Variants in KLHL26 observed in about 807,000 individuals in gnomAD.
KLHL26 encodes kelch like family member 26, also known as kelch-like protein 26.
In KLHL26, 4 loss-of-function variants were observed where a neutral mutation model predicts 7.1. That is an observed-to-expected ratio of 0.56 (90% confidence interval 0.28 to 1.28). The LOEUF is 1.28. KLHL26 is among the 50% of genes most tolerant of loss of function. KLHL26 has a pLI of 0.11. For missense variants in KLHL26, 896 were observed against 924.6 expected, an observed-to-expected ratio of 0.97 and a Z score of 0.40; for synonymous variants, 465 against 414.1, an observed-to-expected ratio of 1.12 and a Z score of -1.49.
intron 1 of KLHL26, among the ~76,000 whole-genome samples, chr19:18,639,920 A>AT (rs1360737497): frequency 2.6e-5 from 4 of 152,052 alleles, no homozygotes; most frequent in African/African-American, 9.7e-5. Flanking sequence ...GGAATCAGAC[A>AT]TGTGGCCTTT....
rs1473116 is a variant in KLHL26, at chr19:18,671,387, C to T, written c.*2142C>T. On this transcript the variant is annotated 3_prime_UTR_variant, in exon 3 of 3. Coordinates refer to ENST00000300976, the MANE Select transcript of KLHL26 (RefSeq NM_018316.3). ...TACCAGAACATTCCAGCCCCACCCC[C>T]GACCTGAGCTCCCCCAAAGAGAACC... 93,802 of 152,076 alleles carry T rather than the reference C, an allele frequency of 0.62. 29,628 individuals carry two copies. Among genetic ancestry groups the T allele is most frequent in the African/African-American group, 0.76 (31,566 of 41,480 alleles). 9.4% of individuals were successfully genotyped at this position (152,076 alleles called of 1,614,324 possible). A position where few individuals can be genotyped will look rare whatever the true frequency, so the allele number is the denominator to read the frequency against.
At position 18,649,928 on chromosome 19, in the gene KLHL26, A is replaced by T. The variant is rs1976874294; in HGVS notation, c.83+12791A>T. Among the ~76,000 whole-genome samples, 1 of 152,152 alleles carries T rather than the reference A, an allele frequency of 6.6e-6. No homozygotes were observed. The highest frequency in any genetic ancestry group is 2.4e-5 in the African/African-American group (1 of 41,426). On this transcript the variant is annotated intron_variant, in intron 1 of 2. Coordinates refer to ENST00000300976, the MANE Select transcript of KLHL26 (RefSeq NM_018316.3). This position sits in a 1 kb window ranked among gnomAD's most constrained non-coding sequence, Gnocchi z 4.0. ...CCCTCACTGCGCAGCGGAGTGCCTG[A>T]TCGCTCTGTGTGCACCACCACGGTG...
intron 1 of KLHL26, among the ~76,000 whole-genome samples, chr19:18,662,011 C>G (rs2052396467): frequency 6.6e-6 from 1 of 152,194 alleles, no homozygotes; most frequent in Non-Finnish European, 1.5e-5. Flanking sequence ...TCCCAAGTAG[C>G]TGGGAACACA....
At chr19:18,641,508 G>A (rs1360357227) in intron 1 of KLHL26, among the ~76,000 whole-genome samples, 6 of 151,056 alleles carry the variant, frequency 4.0e-5, no homozygotes, top group East Asian at 1.9e-4. Flanking sequence ...TAGTGGAGAC[G>A]GGGTTTCACC....
At chr19:18,645,811 CAAA>C (rs1040017469) in intron 1 of KLHL26, among the ~76,000 whole-genome samples, 35 of 117,170 alleles carry the variant, frequency 3.0e-4, no homozygotes, top group African/African-American at 7.6e-4. Context: ...GACTCTGTAT[CAAA>C]AAAAAAAAAA....
At chr19:18,644,155 G>A (rs1009210314) in intron 1 of KLHL26, among the ~76,000 whole-genome samples, 7 of 152,184 alleles carry the variant, frequency 4.6e-5, no homozygotes, top group Admixed American at 4.6e-4. Flanking sequence ...GTAGAATCAT[G>A]CACTATGTGG....
At position 18,668,381 on chromosome 19, in the gene KLHL26, C is replaced by T; in HGVS notation, c.984C>T (p.Ser328=). The change falls in exon 3 of 3, where the codon AGC becomes AGT. Residue 328 remains serine, a synonymous_variant. Transcript: ENST00000300976. ...CCGACAGCGACCGCTCGGTCAGCAG[C>T]AAGGTCTACCAGCTGCCTGAGCCGG... ...PYTDSDRSVS[S]KVYQLPEPGA... is the part of the protein sequence containing the mutation. 1 of 1,607,898 alleles carries T rather than the reference C, an allele frequency of 6.2e-7. No homozygotes were observed. Among genetic ancestry groups the T allele is most frequent in the Non-Finnish European group, 8.5e-7 (1 of 1,178,998 alleles).
At chr19:18,651,966 G>A (rs1020434805) in intron 1 of KLHL26, among the ~76,000 whole-genome samples, 3 of 152,220 alleles carry the variant, frequency 2.0e-5, no homozygotes, top group African/African-American at 7.2e-5. Flanking sequence ...GCCTCAGGCC[G>A]AGACCTGCCC....
chr19:18,669,717 CA>C lies in KLHL26; in HGVS notation c.*473del, dbSNP rs751906612. On this transcript the variant is annotated 3_prime_UTR_variant, in exon 3 of 3. Coordinates refer to ENST00000300976, the MANE Select transcript of KLHL26 (RefSeq NM_018316.3). Reference sequence around the variant, plus strand: ...TGCGCGCGTGTTTTTAAAATAAACTCACCCGAAACGTCCGTAACACACGGAC... The same window carrying C: ...TGCGCGCGTGTTTTTAAAATAAACTCCCCGAAACGTCCGTAACACACGGAC... 32 of 188,658 alleles carry C rather than the reference CA, an allele frequency of 1.7e-4. No individual in the cohort carries two copies. The highest frequency in any genetic ancestry group is 5.3e-4 in the Admixed American group (9 of 17,000). The allele number at this position is 188,658 out of a possible 1,614,324, so 11.7% of individuals were successfully genotyped here. A position where few individuals can be genotyped will look rare whatever the true frequency, so the allele number is the denominator to read the frequency against.
In KLHL26 at chr19:18,668,555, C is replaced by T. The variant is rs1275723630; in HGVS notation, c.1158C>T (p.Tyr386=). The change falls in exon 3 of 3, where the codon TAC becomes TAT. Residue 386 remains tyrosine (Y), a synonymous_variant. Coordinates refer to ENST00000300976, the MANE Select transcript of KLHL26 (RefSeq NM_018316.3). ...GEGAVDACYR[Y]DPHLNRWLRL... is the part of the protein sequence containing the mutation. Reference sequence around the variant, plus strand: ...GCGCAGTGGACGCCTGCTACCGCTACGACCCCCACCTGAATCGCTGGCTGC... The same window carrying T: ...GCGCAGTGGACGCCTGCTACCGCTATGACCCCCACCTGAATCGCTGGCTGC... 3.8e-6 allele frequency: 6 copies of T among 1,593,650 alleles called. No homozygotes were observed. Among genetic ancestry groups the T allele is most frequent in the Non-Finnish European group, 4.3e-6 (5 of 1,174,130 alleles).
chr19:18,661,230 C>T (rs2052388968), intron 1 of KLHL26, among the ~76,000 whole-genome samples: 1 of 152,140 alleles, frequency 6.6e-6, no homozygotes, highest in African/African-American at 2.4e-5. Flanking sequence ...TCTGAGATGC[C>T]CTGCCAGTCA....
Position 18,668,670 on chromosome 19 carries a change from G to A in KLHL26, c.1273G>A (p.Gly425Ser), listed in dbSNP as rs773690082. 1.3e-6 allele frequency: 2 copies of A among 1,571,716 alleles called. No individual in the cohort carries two copies. Among genetic ancestry groups the A allele is most frequent in the Non-Finnish European group, 1.7e-6 (2 of 1,163,046 alleles). The part of the protein sequence containing the change: ...VYATGGRNRA[G>S]SLASVERYCP... The stretch of plus-strand genomic sequence containing the variant: ...CGCCACGGGCGGCCGCAACCGAGCC[G>A]GCAGCCTGGCCTCCGTGGAGCGGTA... The change falls in exon 3 of 3, where the codon GGC becomes AGC. Residue 425 changes from glycine to serine, a missense_variant. Physicochemically the swap from Gly to Ser is moderately conservative, Grantham distance 56. Coordinates refer to ENST00000300976, the MANE Select transcript of KLHL26 (RefSeq NM_018316.3).
chr19:18,665,949 C>T (rs1021380845), intron 2 of KLHL26, among the ~76,000 whole-genome samples: 9 of 152,226 alleles, frequency 5.9e-5, no homozygotes, highest in African/African-American at 2.2e-4. Flanking sequence ...AGCAGCCGAG[C>T]CAACTGGGGC....
chr19:18,663,242 G>C (rs1414327184), intron 1 of KLHL26, among the ~76,000 whole-genome samples: 1 of 152,218 alleles, frequency 6.6e-6, no homozygotes, highest in Non-Finnish European at 1.5e-5. Context: ...GTGCCTTGCA[G>C]GGCTGTGGTC....
intron 1 of KLHL26, among the ~76,000 whole-genome samples, chr19:18,658,806 TC>T (rs552537345): frequency 1.4e-5 from 2 of 139,634 alleles, no homozygotes; most frequent in Non-Finnish European, 1.5e-5. Context: ...GGTTTTTTTC[TC>T]CTCTTGCTGG....
rs908469019 is a variant in KLHL26, at chr19:18,669,610, C to T, written c.*365C>T. Reference sequence around the variant, plus strand: ...ACTTCTCTACTGCCTCCCAGCCCCACGGTTTCAGGCATTCAGATGTGAGCT... The same window carrying T: ...ACTTCTCTACTGCCTCCCAGCCCCATGGTTTCAGGCATTCAGATGTGAGCT... On this transcript the variant is annotated 3_prime_UTR_variant, in exon 3 of 3. Transcript: ENST00000300976. 2.4e-5 allele frequency: 11 copies of T among 467,444 alleles called. No individual in the cohort carries two copies. The highest frequency in any genetic ancestry group is 3.9e-5 in the Admixed American group (1 of 25,846). 29.0% of individuals were successfully genotyped at this position (467,444 alleles called of 1,614,324 possible).
Position 18,668,823 on chromosome 19 carries a change from A to G in KLHL26, c.1426A>G (p.Lys476Glu). 6.3e-7 allele frequency: 1 copy of G among 1,595,156 alleles called. No homozygotes were observed. The highest frequency in any genetic ancestry group is 1.1e-5 in the South Asian group (1 of 90,506). ...CTACGGGATCTCAGTGGAGGACAAG[A>G]AGGCCCTGCACTGCTACGACCCCGT... is the stretch of plus-strand genomic sequence containing the variant. ...GGYGISVEDK[K>E]ALHCYDPVAD... Residue 476 changes from lysine to glutamate, a missense_variant, in exon 3 of 3, where the codon AAG (lysine) becomes GAG (glutamate). Transcript: ENST00000300976.
chr19:18,637,094 G>C lies in KLHL26; in HGVS notation c.40G>C (p.Gly14Arg). The C allele has an allele frequency of 7.2e-7, 1 of 1,384,030 alleles. No individual in the cohort carries two copies. The highest frequency in any genetic ancestry group is 9.4e-7 in the Non-Finnish European group (1 of 1,068,246). 85.7% of individuals were successfully genotyped at this position (1,384,030 alleles called of 1,614,324 possible). A position where few individuals can be genotyped will look rare whatever the true frequency, so the allele number is the denominator to read the frequency against. The part of the protein sequence containing the change: ...SGGSSGGAGG[G>R]GAFGAGPGPE... ...CGGTAGCAGCGGTGGTGCTGGTGGC[G>C]GCGGCGCTTTCGGCGCGGGCCCGGG... The change falls in exon 1 of 3, where the codon GGC (glycine) becomes CGC (arginine). Residue 14 changes from glycine (G) to arginine (R), a missense_variant. Physicochemically the swap from Gly to Arg is moderately radical, Grantham distance 125. Coordinates refer to ENST00000300976, the MANE Select transcript of KLHL26 (RefSeq NM_018316.3).
At chr19:18,645,484 G>A (rs77775646) in intron 1 of KLHL26, among the ~76,000 whole-genome samples, 9,711 of 152,116 alleles carry the variant, frequency 0.064, 362 homozygotes, top group Non-Finnish European at 0.084. Flanking sequence ...GGGGGATCTG[G>A]GTGAGGGATG....
Sources: allele counts gnomAD v4.1 joint callset (sites outside exome capture counted in the v4.1 genomes callset), GRCh38; gene constraint gnomAD v4.1.1; non-coding constraint Gnocchi (gnomAD v3.1); transcripts MANE v1.5; gene names NCBI Gene and HGNC (gene_info 2026-07-23, HGNC 2026-07-21).